The following TJP1 variants were observed in gnomAD, a reference collection of about 807,000 sequenced individuals.
TJP1 encodes the protein tight junction protein ZO-1.
TJP1 carries 43 observed loss-of-function variants against 194.2 expected under a neutral mutation model. The observed-to-expected ratio is 0.22, with a 90% CI of 0.17 to 0.29. TJP1 has a LOEUF of 0.29. Among genes scored for constraint, TJP1 ranks in the 10% least tolerant of loss-of-function variants. TJP1 has a pLI of 1.00. For synonymous variants in TJP1, 801 were observed against 779.0 expected, an observed-to-expected ratio of 1.03 and a Z score of -0.47; for missense variants, 1,971 against 2,185.7, an observed-to-expected ratio of 0.90 and a Z score of 1.96.
At chr15:29,851,730 A>G (rs1019432840) in intron 2 of TJP1, among the ~76,000 whole-genome samples, 1 of 152,266 alleles carries the variant, frequency 6.6e-6, no homozygotes, top group Non-Finnish European at 1.5e-5. Context: ...ACTATGTAGT[A>G]TTGGCAAAGG....
chr15:29,781,540 G>A (rs1228514786), intron 2 of TJP1, among the ~76,000 whole-genome samples: 1 of 152,102 alleles, frequency 6.6e-6, no homozygotes, highest in Non-Finnish European at 1.5e-5. Flanking sequence ...AATTATCTTT[G>A]ATACACATTG....
chr15:29,896,267 T>C (rs1303923639), intron 2 of TJP1, among the ~76,000 whole-genome samples: 1 of 152,170 alleles, frequency 6.6e-6, no homozygotes, highest in Admixed American at 6.5e-5. Flanking sequence ...GTTCTCCTGA[T>C]AGTGAGTGAG....
In TJP1 at chr15:29,734,256, T is replaced by C; in HGVS notation, c.1516+18A>G. On this transcript the variant is annotated intron_variant, in intron 12 of 27. Coordinates refer to ENST00000614355, the MANE Select transcript of TJP1 (RefSeq NM_001330239.4). Reference sequence around the variant, plus strand: ...AACTCTACAGGTTTATCTCCTCCATTTTCTGACAGCATCTCACCATCCTTC... The same window carrying C: ...AACTCTACAGGTTTATCTCCTCCATCTTCTGACAGCATCTCACCATCCTTC... The C allele has an allele frequency of 6.4e-7, 1 of 1,556,278 alleles. No homozygotes were observed. Among genetic ancestry groups the C allele is most frequent in the Middle Eastern group, 1.7e-4 (1 of 5,872 alleles).
At position 29,700,924 on chromosome 15, in the gene TJP1, A is replaced by T. The variant is rs2041503663; in HGVS notation, c.*671T>A. 1 of 153,446 alleles carries T rather than the reference A, an allele frequency of 6.5e-6. No individual in the cohort carries two copies. Among genetic ancestry groups the T allele is most frequent in the Non-Finnish European group, 1.5e-5 (1 of 68,644 alleles). The allele number at this position is 153,446 out of a possible 1,614,324, so 9.5% of individuals were successfully genotyped here. ...GAATGAGCTAAGAATTAAGAACATG[A>T]GGGTAAGGCATTTCTGCTGGTTAGT... On this transcript the variant is annotated 3_prime_UTR_variant, in exon 28 of 28. Transcript: ENST00000614355.
chr15:29,720,661 C>T lies in TJP1; in HGVS notation c.2460G>A (p.Leu820=). Residue 820 remains leucine (L), a synonymous_variant, in exon 19 of 28, where the codon CTG becomes CTA. Coordinates refer to ENST00000614355, the MANE Select transcript of TJP1 (RefSeq NM_001330239.4). ...CACTACCTGGAGCTGACAGGTAGGA[C>T]AGACGATCATCATGCAAATCAAGGT... ...SDDLDLHDDR[L]SYLSAPGSEY... 1 of 1,612,052 alleles carries T rather than the reference C, an allele frequency of 6.2e-7. No individual in the cohort carries two copies. The highest frequency in any genetic ancestry group is 8.5e-7 in the Non-Finnish European group (1 of 1,178,642).
At chr15:29,844,810 A>G (rs2051350200) in intron 2 of TJP1, among the ~76,000 whole-genome samples, 1 of 152,184 alleles carries the variant, frequency 6.6e-6, no homozygotes, top group South Asian at 2.1e-4. Context: ...GGTTGGAGGT[A>G]CAAATAATCA....
At chr15:29,763,869 C>T (rs1331431420) in intron 5 of TJP1, among the ~76,000 whole-genome samples, 1 of 151,954 alleles carries the variant, frequency 6.6e-6, no homozygotes, top group African/African-American at 2.4e-5. Flanking sequence ...AGAAAACGGC[C>T]TTTTAGGATA....
intron 2 of TJP1, among the ~76,000 whole-genome samples, chr15:29,829,034 G>A (rs1273276076): frequency 1.3e-5 from 2 of 152,182 alleles, no homozygotes; most frequent in Non-Finnish European, 2.9e-5. Context: ...TTACAGGCAT[G>A]AGCCACCATG....
intron 4 of TJP1, among the ~76,000 whole-genome samples, chr15:29,771,067 A>G (rs2046639911): frequency 6.6e-6 from 1 of 152,172 alleles, no homozygotes; most frequent in African/African-American, 2.4e-5. Flanking sequence ...TAATTTTTTT[A>G]TCCACTATAT....
chr15:29,798,636 T>C (rs547832694), intron 2 of TJP1, among the ~76,000 whole-genome samples: 2 of 152,256 alleles, frequency 1.3e-5, no homozygotes, highest in South Asian at 4.1e-4. Context: ...AAAACTTAAA[T>C]AATTACCATG....
At chr15:29,734,522 C>T (rs1311488804) in intron 11 of TJP1, 140 bp from the exon 12 acceptor site, 11 of 601,936 alleles carry the variant, frequency 1.8e-5, no homozygotes, top group African/African-American at 1.2e-4. Context: ...CTCGCTCTGT[C>T]GCCCAGGCTG....
chr15:29,787,045 A>G (rs1300376530), intron 2 of TJP1, among the ~76,000 whole-genome samples: 1 of 152,328 alleles, frequency 6.6e-6, no homozygotes, highest in East Asian at 1.9e-4. Flanking sequence ...CTTAGATTAC[A>G]TGTTTGCTTC....
chr15:29,815,131 G>A (rs1358708320), intron 1 of TJP1, among the ~76,000 whole-genome samples: 1 of 152,150 alleles, frequency 6.6e-6, no homozygotes, highest in East Asian at 1.9e-4. Context: ...TGTTTAAGAG[G>A]AATGGAAATA....
Position 29,718,708 on chromosome 15 carries a change from C to T in TJP1, c.3434G>A (p.Arg1145His), listed in dbSNP as rs560566695. 1.5e-5 allele frequency: 24 copies of T among 1,614,084 alleles called. No homozygotes were observed. Among genetic ancestry groups the T allele is most frequent in the East Asian group, 6.7e-5 (3 of 44,868 alleles). The change falls in exon 21 of 28, where the codon CGT (arginine) becomes CAT (histidine). Residue 1145 changes from arginine (R) to histidine (H), a missense_variant. Coordinates refer to ENST00000614355, the MANE Select transcript of TJP1 (RefSeq NM_001330239.4). ...PAPLSYDSRP[R>H]YEQAPRASAL... ...GGATGCTCTAGGTGCCTGTTCGTAACGTGGTCTGCTGTCGTAAGACAGAGG... is the reference window on the plus strand; with the variant it reads ...GGATGCTCTAGGTGCCTGTTCGTAATGTGGTCTGCTGTCGTAAGACAGAGG...
chr15:29,949,652 AC>A (rs1567225778), intron 2 of TJP1, among the ~76,000 whole-genome samples: 2 of 103,428 alleles, frequency 1.9e-5, no homozygotes, highest in Non-Finnish European at 2.0e-5. Flanking sequence ...CACCACCACC[AC>A]CTCCACCTCC....
In TJP1 at chr15:29,720,455, T is replaced by C. The variant is rs745945400; in HGVS notation, c.2666A>G (p.His889Arg). The change falls in exon 19 of 28, where the codon CAT (histidine) becomes CGT (arginine). Residue 889 changes from histidine (H) to arginine (R), a missense_variant. Coordinates refer to ENST00000614355, the MANE Select transcript of TJP1 (RefSeq NM_001330239.4). Reference protein sequence around the residue: ...EPVREDSSGMHHENQTYPPYS... With the variant: ...EPVREDSSGMRHENQTYPPYS... ...AGGAGGATATGTTTGGTTTTCATGA[T>C]GCATTCCAGAGGAGTCCTCTCTTAC... 16 of 1,614,174 alleles carry C rather than the reference T, an allele frequency of 9.9e-6. No homozygotes were observed. Among genetic ancestry groups the C allele is most frequent in the Non-Finnish European group, 1.3e-5 (15 of 1,180,042 alleles).
chr15:29,967,718 T>C (rs76106489), intron 1 of TJP1, among the ~76,000 whole-genome samples: 7,145 of 152,316 alleles, frequency 0.047, 233 homozygotes, highest in South Asian at 0.094. Flanking sequence ...CACTGTCTTA[T>C]AGAGCAGGAA....
intron 5 of TJP1, among the ~76,000 whole-genome samples, chr15:29,763,193 A>G (rs1005235028): frequency 6.6e-6 from 1 of 152,200 alleles, no homozygotes; most frequent in Non-Finnish European, 1.5e-5. Flanking sequence ...GAGTGAGAAC[A>G]TCACTCCGTC....
chr15:29,816,642 A>G (rs2049944870), intron 1 of TJP1, among the ~76,000 whole-genome samples: 1 of 152,178 alleles, frequency 6.6e-6, no homozygotes, highest in Non-Finnish European at 1.5e-5. Flanking sequence ...TTGATCAGTA[A>G]CTATCATAAT....
Sources: gnomAD v4.1 joint callset for allele counts (sites outside exome capture counted in the v4.1 genomes callset) on GRCh38, gnomAD v4.1.1 for gene constraint, MANE v1.5 for transcripts, NCBI Gene and HGNC (gene_info 2026-07-23, HGNC 2026-07-21) for gene names.